CNTNAP2: variants seen among roughly 807,000 people sequenced by gnomAD.
CNTNAP2 encodes the protein contactin-associated protein-like 2.
Under a neutral mutation model 155.2 loss-of-function variants are expected in CNTNAP2, and 98 were observed. The observed-to-expected ratio is 0.63, with a 90% CI of 0.54 to 0.75. The LOEUF (loss-of-function observed/expected upper bound fraction) is 0.75, where lower values mean the gene tolerates loss of function less well. Ranked by LOEUF, CNTNAP2 falls within the 30% of genes least tolerant of loss-of-function variation. CNTNAP2 has a pLI of 0.00. For missense variants in CNTNAP2, 1,727 were observed against 1,688.1 expected (o/e 1.02, Z -0.40); for synonymous variants, 651 against 631.2 (o/e 1.03, Z -0.47).
At chr7:146,402,249 G>C (rs1795725315) in intron 1 of CNTNAP2, among the ~76,000 whole-genome samples, 1 of 152,092 alleles carries the variant, frequency 6.6e-6, no homozygotes, top group South Asian at 2.1e-4. Flanking sequence ...GTTTTGTAGA[G>C]CACCATCAAC....
intron 13 of CNTNAP2, among the ~76,000 whole-genome samples, chr7:147,657,995 G>C (rs1450090398): frequency 8.5e-6 from 1 of 118,188 alleles, no homozygotes; most frequent in Non-Finnish European, 2.0e-5. Flanking sequence ...GGTGGCTCAC[G>C]CCTGTAATCC....
In CNTNAP2 at chr7:148,013,749, C is replaced by T. The variant is rs114822183; in HGVS notation, c.2383+35760C>T. ...AAAATGTAGGACTTGCTATTGATTACGTACACAAGTGTGCCTGATGTGGAC... is the reference window on the plus strand; with the variant it reads ...AAAATGTAGGACTTGCTATTGATTATGTACACAAGTGTGCCTGATGTGGAC... On this transcript the variant is annotated intron_variant, in intron 15 of 23. Coordinates refer to ENST00000361727, the MANE Select transcript of CNTNAP2 (RefSeq NM_014141.6). Among the ~76,000 whole-genome samples, 367 of 152,204 alleles carry T rather than the reference C, an allele frequency of 2.4e-3. 1 individual carries two copies. The highest frequency in any genetic ancestry group is 8.4e-3 in the African/African-American group (349 of 41,526).
chr7:147,901,200 T>C (rs570086642), intron 13 of CNTNAP2, among the ~76,000 whole-genome samples: 1 of 152,312 alleles, frequency 6.6e-6, no homozygotes, highest in South Asian at 2.1e-4. Context: ...TATTACTTCT[T>C]TTCTCTATTA....
intron 22 of CNTNAP2, among the ~76,000 whole-genome samples, chr7:148,396,969 T>G (rs1799482669): frequency 6.6e-6 from 1 of 152,244 alleles, no homozygotes; most frequent in African/African-American, 2.4e-5. Context: ...TTTCAATCAT[T>G]GACGGGAATT....
intron 3 of CNTNAP2, among the ~76,000 whole-genome samples, chr7:146,931,606 T>C (rs1471950626): frequency 6.7e-6 from 1 of 149,728 alleles, no homozygotes; most frequent in Non-Finnish European, 1.5e-5. Context: ...CTGAAGGAAA[T>C]AGAGACACAA....
At chr7:147,221,953 A>G (rs1416710458) in intron 8 of CNTNAP2, among the ~76,000 whole-genome samples, 3 of 152,142 alleles carry the variant, frequency 2.0e-5, no homozygotes, top group African/African-American at 7.2e-5. Flanking sequence ...GTCAGATGTA[A>G]TTTTTGTTGT....
At chr7:147,726,525 A>T (rs1052497858) in intron 13 of CNTNAP2, among the ~76,000 whole-genome samples, 1 of 151,946 alleles carries the variant, frequency 6.6e-6, no homozygotes, top group Non-Finnish European at 1.5e-5. Context: ...GGCAGGGGGA[A>T]GAGAAGGGGA....
chr7:147,441,717 T>C lies in CNTNAP2; in HGVS notation c.1671-44218T>C, dbSNP rs1238571700. Among the ~76,000 whole-genome samples, 4 of 152,266 alleles carry C rather than the reference T, an allele frequency of 2.6e-5. No homozygotes were observed. The East Asian group carries it at 7.7e-4, about 29-fold the overall frequency. ...CTTGCAGACTCATACAGATTCATCT[T>C]GATCGTCTTAAAGAAGACCTGGGCG... On this transcript the variant is annotated intron_variant, in intron 10 of 23. Transcript: ENST00000361727.
chr7:146,603,315 G>A (rs1241553680), intron 1 of CNTNAP2, among the ~76,000 whole-genome samples: 1 of 150,878 alleles, frequency 6.6e-6, no homozygotes, highest in Non-Finnish European at 1.5e-5. Flanking sequence ...GAAAGGCTGA[G>A]GCAGGAGAAT....
At chr7:146,784,386 TA>T (rs1341505199) in intron 2 of CNTNAP2, among the ~76,000 whole-genome samples, 7 of 152,198 alleles carry the variant, frequency 4.6e-5, no homozygotes, top group Non-Finnish European at 1.5e-5. Flanking sequence ...AATAATTCAT[TA>T]TTATAATATG....
intron 15 of CNTNAP2, among the ~76,000 whole-genome samples, chr7:148,063,700 A>T (rs904902531): frequency 4.6e-5 from 7 of 151,332 alleles, no homozygotes; most frequent in African/African-American, 1.5e-4. Flanking sequence ...TCTGCTGATT[A>T]CTTCTTTTGA....
At chr7:147,729,679 G>A (rs575810597) in intron 13 of CNTNAP2, among the ~76,000 whole-genome samples, 1 of 152,228 alleles carries the variant, frequency 6.6e-6, no homozygotes, top group African/African-American at 2.4e-5. Flanking sequence ...GAGGAGCAGT[G>A]AGGGTAATAG....
intron 1 of CNTNAP2, among the ~76,000 whole-genome samples, chr7:146,145,568 T>G (rs1306695811): frequency 1.3e-5 from 2 of 152,150 alleles, no homozygotes; most frequent in African/African-American, 4.8e-5. Flanking sequence ...TGTGTGCCGG[T>G]TTCCCAGTGG....
intron 2 of CNTNAP2, 61 bp downstream of exon 2, chr7:146,774,442 T>C: frequency 3.7e-6 from 4 of 1,091,566 alleles, no homozygotes; most frequent in Non-Finnish European, 5.4e-6. Context: ...GTTATATTTA[T>C]AGCCATATAT....
intron 3 of CNTNAP2, among the ~76,000 whole-genome samples, chr7:147,008,314 G>A (rs1461403685): frequency 2.0e-5 from 3 of 152,046 alleles, no homozygotes; most frequent in Admixed American, 2.0e-4. Flanking sequence ...AGGAGAGAAT[G>A]AACTATAATT....
chr7:146,987,649 G>A (rs1798136676), intron 3 of CNTNAP2, among the ~76,000 whole-genome samples: 1 of 152,096 alleles, frequency 6.6e-6, no homozygotes, highest in South Asian at 2.1e-4. Flanking sequence ...TAGTTACTGT[G>A]ATGATATTGT....
intron 1 of CNTNAP2, among the ~76,000 whole-genome samples, chr7:146,474,065 G>A (rs1352220700): frequency 6.6e-6 from 1 of 152,094 alleles, no homozygotes; most frequent in African/African-American, 2.4e-5. Flanking sequence ...AGAGGCCTAG[G>A]TTGGAATGGA....
chr7:146,457,747 C>T (rs1310849034), intron 1 of CNTNAP2, among the ~76,000 whole-genome samples: 1 of 151,496 alleles, frequency 6.6e-6, no homozygotes, highest in Non-Finnish European at 1.5e-5. Flanking sequence ...TCATGATCCA[C>T]CCACCTGGGT....
chr7:146,541,769 C>G (rs1797956609), intron 1 of CNTNAP2, among the ~76,000 whole-genome samples: 5 of 152,066 alleles, frequency 3.3e-5, no homozygotes, highest in African/African-American at 1.2e-4. Context: ...GACAAGGAGA[C>G]AAGAAGCACA....
Sources: allele counts gnomAD v4.1 joint callset (sites outside exome capture counted in the v4.1 genomes callset), GRCh38; gene constraint gnomAD v4.1.1; transcripts MANE v1.5; gene names NCBI Gene and HGNC (gene_info 2026-07-23, HGNC 2026-07-21).